GNAL: variants seen among roughly 807,000 people sequenced by gnomAD.
The protein encoded by GNAL is G protein subunit alpha L, also known as guanine nucleotide-binding protein G(olf) subunit alpha.
In GNAL, 18 loss-of-function variants were observed where a neutral mutation model predicts 55.1. The observed-to-expected ratio is 0.33, with a 90% confidence interval of 0.23 to 0.48. GNAL has a LOEUF of 0.48. Ranked by LOEUF, GNAL falls within the 20% of genes least tolerant of loss-of-function variation. The pLI, the probability that GNAL is intolerant of heterozygous loss-of-function variation, is 0.99. For missense variants in GNAL, 412 were observed against 614.1 expected, an observed-to-expected ratio of 0.67 and a Z score of 3.48; for synonymous variants, 253 against 237.0, an observed-to-expected ratio of 1.07 and a Z score of -0.62.
At chr18:11,820,989 A>C (rs947160213) in intron 4 of GNAL, among the ~76,000 whole-genome samples, 1 of 152,202 alleles carries the variant, frequency 6.6e-6, no homozygotes, top group Non-Finnish European at 1.5e-5. Context: ...CTTCAGCTCA[A>C]ACCTAGAGTT....
intron 1 of GNAL, among the ~76,000 whole-genome samples, chr18:11,724,338 G>A (rs1444932232): frequency 2.0e-5 from 3 of 152,172 alleles, no homozygotes; most frequent in Non-Finnish European, 4.4e-5. Context: ...TCCTAGGACT[G>A]CCCTGATAGA....
intron 4 of GNAL, among the ~76,000 whole-genome samples, chr18:11,795,667 A>G (rs543236435): frequency 1.3e-5 from 2 of 152,296 alleles, no homozygotes; most frequent in African/African-American, 4.8e-5. Context: ...GATACTGAGC[A>G]TGATTCTGTG....
chr18:11,832,220 C>T (rs765833160), intron 5 of GNAL, among the ~76,000 whole-genome samples: 11 of 152,174 alleles, frequency 7.2e-5, no homozygotes, highest in Non-Finnish European at 1.5e-4. Context: ...ACTTTAAACT[C>T]CACAGCTCAC....
intron 1 of GNAL, among the ~76,000 whole-genome samples, chr18:11,698,672 T>G (rs1057231437): frequency 6.6e-6 from 1 of 152,034 alleles, no homozygotes; most frequent in Non-Finnish European, 1.5e-5. Context: ...CTCCTGCACC[T>G]TGTGCCATCC....
At chr18:11,788,931 A>ACATG (rs1326906575) in intron 4 of GNAL, among the ~76,000 whole-genome samples, 2 of 137,812 alleles carry the variant, frequency 1.5e-5, no homozygotes, top group Non-Finnish European at 3.1e-5. Flanking sequence ...ATATATATAT[A>ACATG]TATATACACA....
intron 4 of GNAL, among the ~76,000 whole-genome samples, chr18:11,754,998 A>ATGTGTGTG (rs59291287): frequency 1.8e-3 from 268 of 149,150 alleles, no homozygotes; most frequent in African/African-American, 4.1e-3. Context: ...GTGAGTGTGT[A>ATGTGTGTG]TGTGTGTGTG....
rs1476279889 is a variant in GNAL, at chr18:11,839,709, A to T, written c.722+14694A>T. ...AAACAAAATGTGGTGTATCCCTACA[A>T]TGGAATATGATTCCACCGCAAAAAG... On this transcript the variant is annotated intron_variant, in intron 5 of 11. Coordinates refer to ENST00000334049, the MANE Select transcript of GNAL (RefSeq NM_182978.4). Among the ~76,000 whole-genome samples, 3 of 152,188 alleles carry T rather than the reference A, an allele frequency of 2.0e-5. No individual in the cohort carries two copies. The East Asian group carries it at 5.8e-4, about 29-fold the overall frequency.
At position 11,856,968 on chromosome 18, in the gene GNAL, G is replaced by A. The variant is rs186118708; in HGVS notation, c.723-5427G>A. Among the ~76,000 whole-genome samples the A allele has an allele frequency of 2.8e-3, 422 of 152,254 alleles. 2 individuals are homozygous for A. Among genetic ancestry groups the A allele is most frequent in the African/African-American group, 9.8e-3 (407 of 41,544 alleles). ...TAAATAGTTTTTTAAATTTAAAAAC[G>A]TTTTAAATGACAATCCAGGGAAAGA... On this transcript the variant is annotated intron_variant, in intron 5 of 11. Coordinates refer to ENST00000334049, the MANE Select transcript of GNAL (RefSeq NM_182978.4).
chr18:11,878,997 C>T (rs543951675), intron 11 of GNAL, among the ~76,000 whole-genome samples: 22 of 151,696 alleles, frequency 1.5e-4, no homozygotes, highest in African/African-American at 4.4e-4. Flanking sequence ...AGGAGATACA[C>T]CTAATGTAAA....
intron 1 of GNAL, among the ~76,000 whole-genome samples, chr18:11,699,517 G>GT (rs1359981079): frequency 2.6e-5 from 4 of 151,552 alleles, no homozygotes; most frequent in Non-Finnish European, 5.9e-5. Flanking sequence ...GCCCAGCTGG[G>GT]TCTAAATTTA....
At chr18:11,800,291 C>T (rs377349422) in intron 4 of GNAL, among the ~76,000 whole-genome samples, 40 of 152,170 alleles carry the variant, frequency 2.6e-4, no homozygotes, top group Admixed American at 1.3e-3. Context: ...GATAAGATGA[C>T]GAGCAGCAGG....
chr18:11,712,160 C>T (rs2031853754), intron 1 of GNAL, among the ~76,000 whole-genome samples: 1 of 152,244 alleles, frequency 6.6e-6, no homozygotes, highest in South Asian at 2.1e-4. Flanking sequence ...TCTTAGCTTT[C>T]CTCAGGCATT....
At chr18:11,880,230 C>T (rs1022062599) in intron 11 of GNAL, among the ~76,000 whole-genome samples, 20 of 151,060 alleles carry the variant, frequency 1.3e-4, no homozygotes, top group African/African-American at 7.3e-5. Flanking sequence ...GCACTCCAGC[C>T]TGGGGGACAC....
chr18:11,690,621 C>A (rs2031217800), intron 1 of GNAL, among the ~76,000 whole-genome samples: 1 of 124,168 alleles, frequency 8.1e-6, no homozygotes, highest in Non-Finnish European at 1.6e-5. Context: ...CCCCCCACCC[C>A]ACAACAGTCC....
At chr18:11,787,704 C>T (rs1018459885) in intron 4 of GNAL, among the ~76,000 whole-genome samples, 4 of 152,114 alleles carry the variant, frequency 2.6e-5, no homozygotes, top group African/African-American at 4.8e-5. Context: ...GAAACCCCAT[C>T]TCTACTAAAA....
chr18:11,755,223 A>C (rs1327497755), intron 4 of GNAL, among the ~76,000 whole-genome samples: 1 of 152,106 alleles, frequency 6.6e-6, no homozygotes, highest in East Asian at 1.9e-4. Flanking sequence ...ACAGAGCACC[A>C]TTGTCCTGTG....
Position 11,752,608 on chromosome 18 carries a change from G to C in GNAL, c.377-245G>C, listed in dbSNP as rs762200791. 4.9e-5 allele frequency: 77 copies of C among 1,566,848 alleles called. No individual in the cohort carries two copies. The highest frequency in any genetic ancestry group is 6.0e-5 in the Non-Finnish European group (70 of 1,163,090). On this transcript the variant is annotated intron_variant, in intron 1 of 11. Transcript: ENST00000334049. The surrounding 1 kb of genome is among the most constrained non-coding windows in gnomAD (Gnocchi z 4.5). Reference sequence around the variant, plus strand: ...GGCCGAGGGGCGCGCGGCGGCTCCCGGCCCCAGCGGAGCGCACAGCCAGGA... The same window carrying C: ...GGCCGAGGGGCGCGCGGCGGCTCCCCGCCCCAGCGGAGCGCACAGCCAGGA...
At chr18:11,767,274 T>C (rs572476858) in intron 4 of GNAL, among the ~76,000 whole-genome samples, 1 of 151,918 alleles carries the variant, frequency 6.6e-6, no homozygotes, top group South Asian at 2.1e-4. Context: ...ACTTGCACTC[T>C]AGGCACCCTT....
At position 11,752,636 on chromosome 18, in the gene GNAL, G is replaced by A; in HGVS notation, c.377-217G>A. On this transcript the variant is annotated intron_variant, in intron 1 of 11. Transcript: ENST00000334049. This position sits in a 1 kb window ranked among gnomAD's most constrained non-coding sequence, Gnocchi z 4.5. ...CCCAGCGGAGCGCACAGCCAGGAGC[G>A]GCGAGCGCCAGGCTGGGCGGGCAGG... The A allele has an allele frequency of 6.7e-7, 1 of 1,483,046 alleles. No individual in the cohort carries two copies. The highest frequency in any genetic ancestry group is 8.9e-7 in the Non-Finnish European group (1 of 1,123,806). 91.9% of individuals were successfully genotyped at this position (1,483,046 alleles called of 1,614,324 possible). A position where few individuals can be genotyped will look rare whatever the true frequency, so the allele number is the denominator to read the frequency against.
Sources: allele counts gnomAD v4.1 joint callset (sites outside exome capture counted in the v4.1 genomes callset), GRCh38; gene constraint gnomAD v4.1.1; non-coding constraint Gnocchi (gnomAD v3.1); transcripts MANE v1.5; gene names NCBI Gene and HGNC (gene_info 2026-07-23, HGNC 2026-07-21).